RHOBTB1: variants seen among roughly 807,000 people sequenced by gnomAD.
The protein encoded by RHOBTB1 is rho-related BTB domain-containing protein 1.
A neutral mutation model predicts 71.6 loss-of-function variants in RHOBTB1; 40 were observed. The ratio of observed to expected loss-of-function variants is 0.56; its 90% CI spans 0.43 to 0.73. RHOBTB1 has a LOEUF of 0.73. Among genes scored for constraint, RHOBTB1 ranks in the 30% least tolerant of loss-of-function variants. The pLI is 0.00. For synonymous variants in RHOBTB1, 319 were observed against 334.9 expected (o/e 0.95, Z 0.52); for missense variants, 797 against 894.0 (o/e 0.89, Z 1.38).
At chr10:60,943,291 CTAATGATA>C (rs1254193260) in intron 1 of RHOBTB1, among the ~76,000 whole-genome samples, 1 of 152,214 alleles carries the variant, frequency 6.6e-6, no homozygotes, top group East Asian at 1.9e-4. Flanking sequence ...ACAGTAGGAT[CTAATGATA>C]TATTTCTACA....
chr10:60,861,880 C>T, the RHOBTB1 span, among the ~76,000 whole-genome samples: 2 of 152,144 alleles, frequency 1.3e-5, no homozygotes, highest in African/African-American at 2.4e-5. Flanking sequence ...ATTTTATTCC[C>T]AACTTAAATG....
In RHOBTB1 at chr10:60,874,980, C is replaced by T; in HGVS notation, c.1789G>A (p.Val597Met). Reference sequence around the variant, plus strand: ...TGAGCCAATTCCAAGTAAGAGAGCACTTCTCCGTCAATGCCCACGCCACTC... The same window carrying T: ...TGAGCCAATTCCAAGTAAGAGAGCATTTCTCCGTCAATGCCCACGCCACTC... The part of the protein sequence containing the change: ...ATSGVGIDGE[V>M]LSYLELAQFH... The change falls in exon 9 of 11, where the codon GTG becomes ATG. Residue 597 changes from valine to methionine, a missense_variant. By Grantham distance (21) the Val-to-Met change is conservative. Transcript: ENST00000337910. The T allele has an allele frequency of 1.2e-6, 2 of 1,614,066 alleles. No homozygotes were observed. Among genetic ancestry groups the T allele is most frequent in the Non-Finnish European group, 1.7e-6 (2 of 1,179,914 alleles).
intron 2 of RHOBTB1, among the ~76,000 whole-genome samples, chr10:60,970,991 T>C (rs1305220087): frequency 6.6e-6 from 1 of 152,034 alleles, no homozygotes; most frequent in Non-Finnish European, 1.5e-5. Flanking sequence ...TTTGTGACGA[T>C]TCAGTGAAAA....
Position 60,878,065 on chromosome 10 carries a change from T to A in RHOBTB1, c.1576-7A>T. ...TTATGTTCGGGAGATACACCTGAAA[T>A]GTTATACAAAAAGCTAAATTCTGCT... On this transcript the variant is annotated splice_region_variant and splice_polypyrimidine_tract_variant and intron_variant, in intron 7 of 10. Transcript: ENST00000337910. 3 of 1,607,248 alleles carry A rather than the reference T, an allele frequency of 1.9e-6. No homozygotes were observed. Among genetic ancestry groups the A allele is most frequent in the Non-Finnish European group, 2.5e-6 (3 of 1,177,198 alleles).
At chr10:60,909,437 A>T (rs1039747943) in intron 4 of RHOBTB1, among the ~76,000 whole-genome samples, 10 of 152,096 alleles carry the variant, frequency 6.6e-5, no homozygotes, top group African/African-American at 2.2e-4. Context: ...CCATTAACTC[A>T]TCATCAGGCT....
intron 2 of RHOBTB1, among the ~76,000 whole-genome samples, chr10:60,969,543 C>A (rs1302385978): frequency 6.6e-6 from 1 of 151,868 alleles, no homozygotes; most frequent in Non-Finnish European, 1.5e-5. Flanking sequence ...TTCATTAGCC[C>A]CAAAGGTTAC....
chr10:60,969,204 A>C (rs551718678), intron 2 of RHOBTB1, among the ~76,000 whole-genome samples: 1 of 152,056 alleles, frequency 6.6e-6, no homozygotes, highest in Non-Finnish European at 1.5e-5. Context: ...GAGGTCCAAA[A>C]CAAACAAAAA....
At chr10:60,863,145 G>T in the RHOBTB1 span, among the ~76,000 whole-genome samples, 1 of 152,144 alleles carries the variant, frequency 6.6e-6, no homozygotes, top group African/African-American at 2.4e-5. Flanking sequence ...AATTGCTGTA[G>T]ATCTGTAAAA....
At chr10:60,981,600 T>C (rs1031366961) in intron 2 of RHOBTB1, among the ~76,000 whole-genome samples, 20 of 152,198 alleles carry the variant, frequency 1.3e-4, no homozygotes, top group African/African-American at 4.8e-4. Context: ...ATTGATAATA[T>C]TCATGTATCA....
chr10:60,880,202 T>TGTGTGTGTGTGTGTGAGAGA, intron 7 of RHOBTB1, among the ~76,000 whole-genome samples: 1 of 126,934 alleles, frequency 7.9e-6, no homozygotes, highest in Non-Finnish European at 1.7e-5. Flanking sequence ...TGTGTGTGTG[T>TGTGTGTGTGTGTGTGAGAGA]GAGAGAGAGA....
chr10:60,871,522 C>A lies in RHOBTB1; in HGVS notation c.2051G>T (p.Arg684Leu). Residue 684 changes from arginine (R) to leucine (L), a missense_variant, in exon 11 of 11, where the codon CGA (arginine) becomes CTA (leucine). This residue lies in a region of RHOBTB1 where 658 missense variants were observed against 681.5 expected (regional missense o/e 0.97). Coordinates refer to ENST00000337910, the MANE Select transcript of RHOBTB1 (RefSeq NM_014836.5). ...AGATGAATTCCAGAAGCACCACTTT[C>A]GTCTTGAGCGATGCTTATTTAGTGC... ...DIALNKHRSR[R>L]KWCFWNSSPA... 1.2e-6 allele frequency: 2 copies of A among 1,614,064 alleles called. No homozygotes were observed. The highest frequency in any genetic ancestry group is 8.5e-7 in the Non-Finnish European group (1 of 1,179,964).
chr10:60,920,238 C>T (rs1356933129), intron 2 of RHOBTB1, among the ~76,000 whole-genome samples: 4 of 150,370 alleles, frequency 2.7e-5, no homozygotes, highest in African/African-American at 9.7e-5. Flanking sequence ...AGCAAGCCAG[C>T]GGTGGTTCAC....
chr10:60,927,795 T>C (rs2083977299), intron 2 of RHOBTB1, among the ~76,000 whole-genome samples: 1 of 152,158 alleles, frequency 6.6e-6, no homozygotes, highest in Admixed American at 6.5e-5. Context: ...CTCTAGGACA[T>C]TGGGCTGGAC....
chr10:60,943,602 C>G (rs2085043953), intron 1 of RHOBTB1, among the ~76,000 whole-genome samples: 1 of 152,238 alleles, frequency 6.6e-6, no homozygotes, highest in African/African-American at 2.4e-5. Context: ...CCCCGCCCGG[C>G]CTCCCCATAC....
intron 2 of RHOBTB1, among the ~76,000 whole-genome samples, chr10:60,979,912 G>A (rs997328788): frequency 1.3e-5 from 2 of 152,162 alleles, no homozygotes; most frequent in Non-Finnish European, 1.5e-5. Context: ...TAAACAGCAA[G>A]TGAAAAGGTC....
At chr10:60,949,239 AGATGATGTCC>A (rs2085334220) in intron 2 of RHOBTB1, among the ~76,000 whole-genome samples, 1 of 152,242 alleles carries the variant, frequency 6.6e-6, no homozygotes, top group Non-Finnish European at 1.5e-5. Context: ...GTCTCAAACA[AGATGATGTCC>A]AGCCTTCCAT....
Position 60,990,046 on chromosome 10 carries a change from G to A in RHOBTB1, c.-162-4101C>T, listed in dbSNP as rs538371471. On this transcript the variant is annotated intron_variant, in intron 1 of 11. Transcript: ENST00000357917. ...CGCCTAGGCTGGAGTGCAGTGGCGC[G>A]ATCTCGGCTCACTGCAAGCTCCGCC... 3.3e-4 allele frequency among the ~76,000 whole-genome samples: 48 copies of A among 146,764 alleles called. No individual in the cohort carries two copies. The South Asian group carries it at 3.7e-3, about 11-fold the overall frequency.
chr10:60,890,044 C>T (rs2081838757), intron 5 of RHOBTB1, among the ~76,000 whole-genome samples: 1 of 152,162 alleles, frequency 6.6e-6, no homozygotes, highest in South Asian at 2.1e-4. Flanking sequence ...GTTCTACATT[C>T]TGAGGAAACT....
chr10:60,910,108 T>C (rs999248653), intron 4 of RHOBTB1, among the ~76,000 whole-genome samples: 1 of 152,194 alleles, frequency 6.6e-6, no homozygotes, highest in Non-Finnish European at 1.5e-5. Flanking sequence ...ATCTACGTTC[T>C]ACACTGAAAA....
Sources: allele counts gnomAD v4.1 joint callset (sites outside exome capture counted in the v4.1 genomes callset), GRCh38; gene constraint gnomAD v4.1.1; regional missense constraint gnomAD v4.1.1; transcripts MANE v1.5; gene names NCBI Gene and HGNC (gene_info 2026-07-23, HGNC 2026-07-21).